The following ACSS3 variants were observed in gnomAD, a reference collection of about 807,000 sequenced individuals.
ACSS3 encodes the protein acyl-CoA synthetase short-chain family member 3, mitochondrial.
A neutral mutation model predicts 84.2 loss-of-function variants in ACSS3; 64 were observed. The ratio of observed to expected loss-of-function variants is 0.76; its 90% CI spans 0.62 to 0.94. The LOEUF (loss-of-function observed/expected upper bound fraction) is 0.94. Among genes scored for constraint, ACSS3 ranks in the 40% least tolerant of loss-of-function variants. ACSS3 has a pLI of 0.00. For synonymous variants in ACSS3, 317 were observed against 310.1 expected (o/e 1.02, Z -0.23); for missense variants, 815 against 867.6 (o/e 0.94, Z 0.76).
intron 3 of ACSS3, among the ~76,000 whole-genome samples, chr12:81,135,922 T>C (rs1034642279): frequency 6.6e-6 from 1 of 152,192 alleles, no homozygotes; most frequent in African/African-American, 2.4e-5. Context: ...CAACTTAGCT[T>C]GTCATATATT....
In ACSS3 at chr12:81,203,680, T is replaced by C. The variant is rs189487495; in HGVS notation, c.1354+4236T>C. ...TCACCACCACTGAAGCATGAATCTC[T>C]TGCTTTGGAGTATAATAATGTAAAT... On this transcript the variant is annotated intron_variant, in intron 9 of 15. Coordinates refer to ENST00000548058, the MANE Select transcript of ACSS3 (RefSeq NM_024560.4). Among the ~76,000 whole-genome samples, 16 of 152,246 alleles carry C rather than the reference T, an allele frequency of 1.1e-4. No homozygotes were observed. The East Asian group carries it at 3.1e-3, about 29-fold the overall frequency.
chr12:81,087,729 A>C (rs1001338994), intron 1 of ACSS3, among the ~76,000 whole-genome samples: 2 of 151,998 alleles, frequency 1.3e-5, no homozygotes, highest in Admixed American at 1.3e-4. Flanking sequence ...ATAAACCACA[A>C]ATACCTAGAC....
intron 11 of ACSS3, among the ~76,000 whole-genome samples, chr12:81,220,307 CT>C (rs958363592): frequency 7.2e-5 from 11 of 151,870 alleles, no homozygotes; most frequent in South Asian, 2.1e-4. Flanking sequence ...TTTTAAATAA[CT>C]TTTTTTTCAT....
intron 9 of ACSS3, among the ~76,000 whole-genome samples, chr12:81,201,171 G>T (rs990742254): frequency 2.0e-5 from 3 of 152,134 alleles, no homozygotes; most frequent in East Asian, 1.9e-4. Context: ...AAGAATTATT[G>T]CATCTGCAAG....
At chr12:81,107,619 A>G (rs1187910838) in intron 1 of ACSS3, among the ~76,000 whole-genome samples, 8 of 143,780 alleles carry the variant, frequency 5.6e-5, no homozygotes, top group African/African-American at 1.8e-4. Context: ...CAGAATGACA[A>G]CTTTACCTTT....
chr12:81,193,244 A>G (rs756814215), intron 8 of ACSS3, among the ~76,000 whole-genome samples: 3 of 152,174 alleles, frequency 2.0e-5, no homozygotes, highest in Non-Finnish European at 4.4e-5. Context: ...CACTGAAATA[A>G]TCTATTTTTA....
At chr12:81,251,669 A>AAAAAAAAAG (rs1555184832) in intron 13 of ACSS3, among the ~76,000 whole-genome samples, 1 of 78,956 alleles carries the variant, frequency 1.3e-5, no homozygotes, top group Non-Finnish European at 2.6e-5. Flanking sequence ...CCATCTCTAC[A>AAAAAAAAAG]AAAAAAAAAA....
Position 81,233,234 on chromosome 12 carries a change from C to T in ACSS3, c.1597-115C>T, listed in dbSNP as rs149012845. 1.1e-4 allele frequency: 135 copies of T among 1,223,948 alleles called. No homozygotes were observed. The African/African-American group carries it at 1.3e-3, about 12-fold the overall frequency. The allele number at this position is 1,223,948 out of a possible 1,614,324, so 75.8% of individuals were successfully genotyped here. ...AATTTCCTAGTCTAGTTACGAAAAA[C>T]GGCAAATGTTCACAGTAAATCCATT... is the stretch of plus-strand genomic sequence containing the variant. On this transcript the variant is annotated intron_variant, in intron 12 of 15. Transcript: ENST00000548058.
chr12:81,233,167 A>C (rs530957069), intron 12 of ACSS3, among the ~76,000 whole-genome samples, 182 bp from the exon 13 acceptor site: 1 of 151,948 alleles, frequency 6.6e-6, no homozygotes, highest in East Asian at 1.9e-4. Context: ...CTGTTAGAGG[A>C]GCAAAGAGAT....
chr12:81,106,051 G>A (rs933745109), intron 1 of ACSS3, among the ~76,000 whole-genome samples: 1 of 152,174 alleles, frequency 6.6e-6, no homozygotes, highest in Non-Finnish European at 1.5e-5. Context: ...GTAGATCAAT[G>A]GGTTTTGAAT....
intron 7 of ACSS3, among the ~76,000 whole-genome samples, chr12:81,172,389 T>C (rs1281243702): frequency 6.6e-6 from 1 of 152,042 alleles, no homozygotes; most frequent in African/African-American, 2.4e-5. Flanking sequence ...TACACTGATG[T>C]GTGCCTGCTG....
rs150567095 is a variant in ACSS3 at position 81,254,928 on chromosome 12, T to C, written c.*6T>C. ...AAATGCTGAAGCAAGCATAATGAGTTTGTCTTATTCCTATTTTGAGTTGAT... is the reference window on the plus strand; with the variant it reads ...AAATGCTGAAGCAAGCATAATGAGTCTGTCTTATTCCTATTTTGAGTTGAT... On this transcript the variant is annotated 3_prime_UTR_variant, in exon 16 of 16. Transcript: ENST00000548058. The C allele has an allele frequency of 4.0e-4, 641 of 1,591,236 alleles. 1 individual carries two copies. The African/African-American group carries it at 7.7e-3, about 19-fold the overall frequency.
intron 9 of ACSS3, among the ~76,000 whole-genome samples, chr12:81,200,907 GAAAAAGAA>G (rs930437243): frequency 2.8e-5 from 4 of 141,140 alleles, no homozygotes; most frequent in African/African-American, 1.1e-4. Flanking sequence ...AAAAAAAAAA[GAAAAAGAA>G]AGAAAGAAAG....
rs543050633 is a variant in ACSS3 at position 81,151,702 on chromosome 12, G to A, written c.922-142G>A. 1.4e-4 allele frequency: 92 copies of A among 649,106 alleles called. 1 individual carries two copies. The African/African-American group carries it at 1.6e-3, about 11-fold the overall frequency. The allele number at this position is 649,106 out of a possible 1,614,324, so 40.2% of individuals were successfully genotyped here. On this transcript the variant is annotated intron_variant, in intron 5 of 15. Transcript: ENST00000548058. The stretch of plus-strand genomic sequence containing the variant: ...GGACCCAAAGAAATAATGATTCAAA[G>A]ATAATTTTATAAAAGCCAAAGTAAC...
At chr12:81,221,783 G>A (rs960859355) in intron 11 of ACSS3, among the ~76,000 whole-genome samples, 4 of 152,146 alleles carry the variant, frequency 2.6e-5, no homozygotes, top group East Asian at 3.9e-4. Context: ...ATTTGAACAC[G>A]TTTGTGGGTG....
Position 81,256,150 on chromosome 12 carries a change from A to G in ACSS3, c.*1228A>G, listed in dbSNP as rs1330897957. ...TAGAAAATGGTGAAGACTGCAGATC[A>G]CCTGCTATACCTCAAGGAGCAGCGG... On this transcript the variant is annotated 3_prime_UTR_variant, in exon 16 of 16. Transcript: ENST00000548058. The G allele has an allele frequency of 6.6e-6, 1 of 152,122 alleles. No individual in the cohort carries two copies. Among genetic ancestry groups the G allele is most frequent in the Non-Finnish European group, 1.5e-5 (1 of 68,014 alleles). The allele number at this position is 152,122 out of a possible 1,614,324, so 9.4% of individuals were successfully genotyped here. A position where few individuals can be genotyped will look rare whatever the true frequency, so the allele number is the denominator to read the frequency against.
intron 13 of ACSS3, among the ~76,000 whole-genome samples, chr12:81,247,451 G>A (rs2034018420): frequency 6.6e-6 from 1 of 151,990 alleles, no homozygotes; most frequent in Admixed American, 6.6e-5. Context: ...GCAGAAAATA[G>A]GCAGTTAAAA....
chr12:81,248,155 G>T (rs909371549), intron 13 of ACSS3, among the ~76,000 whole-genome samples: 1 of 151,828 alleles, frequency 6.6e-6, no homozygotes, highest in Non-Finnish European at 1.5e-5. Flanking sequence ...GAGATTTTTC[G>T]AAAAACTAAA....
chr12:81,221,616 A>G (rs1243055661), intron 11 of ACSS3, among the ~76,000 whole-genome samples: 1 of 152,110 alleles, frequency 6.6e-6, no homozygotes, highest in Non-Finnish European at 1.5e-5. Flanking sequence ...TTAAAACAAC[A>G]TATCCATCAA....
Sources: allele counts gnomAD v4.1 joint callset (sites outside exome capture counted in the v4.1 genomes callset), GRCh38; gene constraint gnomAD v4.1.1; transcripts MANE v1.5; gene names NCBI Gene and HGNC (gene_info 2026-07-23, HGNC 2026-07-21).